FER: variants seen among roughly 807,000 people sequenced by gnomAD.
FER encodes tyrosine-protein kinase Fer.
FER carries 63 observed loss-of-function variants against 111.0 expected under a neutral mutation model. The observed-to-expected ratio is 0.57, with a 90% CI of 0.46 to 0.70. FER has a LOEUF of 0.70. Ranked by LOEUF, FER falls within the 30% of genes least tolerant of loss-of-function variation. FER has a pLI of 0.00. For synonymous variants in FER, 327 were observed against 313.9 expected, an observed-to-expected ratio of 1.04 and a Z score of -0.44; for missense variants, 914 against 954.0, an observed-to-expected ratio of 0.96 and a Z score of 0.55.
At chr5:109,181,066 T>G (rs1227822130) in intron 18 of FER, among the ~76,000 whole-genome samples, 165 bp downstream of exon 18, 1 of 152,168 alleles carries the variant, frequency 6.6e-6, no homozygotes, top group African/African-American at 2.4e-5. Flanking sequence ...AAATTATTGA[T>G]CAGATTTCTA....
intron 5 of FER, among the ~76,000 whole-genome samples, chr5:108,858,766 ATTTTT>A (rs75243334): frequency 4.0e-5 from 5 of 124,728 alleles, no homozygotes; most frequent in African/African-American, 1.4e-4. Flanking sequence ...CAGTTTTTTC[ATTTTT>A]TTTTTTTTTT....
intron 11 of FER, among the ~76,000 whole-genome samples, chr5:108,950,976 AATAAATT>A (rs1429616104): frequency 1.3e-5 from 2 of 152,052 alleles, no homozygotes; most frequent in Non-Finnish European, 2.9e-5. Context: ...TTAAAAAAAA[AATAAATT>A]TATAGGGCCA....
chr5:108,949,376 CT>C (rs752786927), intron 11 of FER, among the ~76,000 whole-genome samples: 118 of 152,134 alleles, frequency 7.8e-4, no homozygotes, highest in Non-Finnish European at 8.7e-4. Flanking sequence ...TTAAGTTGCG[CT>C]TTCCCCCCAT....
chr5:108,880,640 C>T (rs1765584495), intron 8 of FER, among the ~76,000 whole-genome samples: 1 of 151,924 alleles, frequency 6.6e-6, no homozygotes, highest in Admixed American at 6.6e-5. Context: ...CTATTCCATG[C>T]AAGCCAATTC....
intron 5 of FER, among the ~76,000 whole-genome samples, chr5:108,856,654 C>T (rs776696548): frequency 5.9e-5 from 9 of 152,210 alleles, no homozygotes; most frequent in Non-Finnish European, 8.8e-5. Flanking sequence ...CCTCACATAA[C>T]CTAGGACACC....
chr5:108,799,009 C>T (rs2150046722), intron 3 of FER, among the ~76,000 whole-genome samples: 1 of 152,262 alleles, frequency 6.6e-6, no homozygotes, highest in East Asian at 1.9e-4. Flanking sequence ...CCCTTTTGCA[C>T]AAACTTTAGT....
intron 1 of FER, among the ~76,000 whole-genome samples, chr5:108,752,348 T>G (rs1750600810): frequency 6.6e-6 from 1 of 152,108 alleles, no homozygotes; most frequent in Non-Finnish European, 1.5e-5. Context: ...CATAATGATT[T>G]GAAAACTAAC....
intron 9 of FER, among the ~76,000 whole-genome samples, chr5:108,887,482 G>A (rs1000093039): frequency 2.6e-5 from 4 of 151,510 alleles, no homozygotes; most frequent in Non-Finnish European, 4.4e-5. Flanking sequence ...TATAAGTAAT[G>A]CAGGTCTTAG....
intron 10 of FER, among the ~76,000 whole-genome samples, chr5:108,937,906 G>A (rs942900756): frequency 6.6e-6 from 1 of 151,458 alleles, no homozygotes; most frequent in African/African-American, 2.4e-5. Context: ...TTTTTATAAA[G>A]GGCAAGCAGT....
In FER at chr5:108,892,998, G is replaced by A. The variant is rs1047589964; in HGVS notation, c.1047-4661G>A. ...GTTGTAGATATGCGGCATTATTTCT[G>A]AGGGCTCTGTTCTGTTCCATTGGTC... is the stretch of plus-strand genomic sequence containing the variant. On this transcript the variant is annotated intron_variant, in intron 9 of 19. Transcript: ENST00000281092. Among the ~76,000 whole-genome samples, 8 of 152,218 alleles carry A rather than the reference G, an allele frequency of 5.3e-5. No individual in the cohort carries two copies. The East Asian group carries it at 1.5e-3, about 29-fold the overall frequency.
At chr5:109,030,552 T>G (rs1469581367) in intron 13 of FER, among the ~76,000 whole-genome samples, 1 of 152,208 alleles carries the variant, frequency 6.6e-6, no homozygotes, top group Non-Finnish European at 1.5e-5. Flanking sequence ...TTTGTTTTGT[T>G]GGTTTATCTG....
intron 10 of FER, among the ~76,000 whole-genome samples, chr5:108,922,299 A>G (rs1464786754): frequency 6.6e-6 from 1 of 152,172 alleles, no homozygotes; most frequent in South Asian, 2.1e-4. Flanking sequence ...GGGAATTAGT[A>G]CAACATCTGT....
chr5:108,993,836 A>G (rs1170780171), intron 13 of FER, among the ~76,000 whole-genome samples: 1 of 151,778 alleles, frequency 6.6e-6, no homozygotes, highest in Non-Finnish European at 1.5e-5. Context: ...CTGGTGTGAG[A>G]TGGTATCTTT....
intron 5 of FER, among the ~76,000 whole-genome samples, chr5:108,842,031 T>G (rs1006094668): frequency 2.0e-5 from 3 of 152,216 alleles, no homozygotes; most frequent in Non-Finnish European, 4.4e-5. Context: ...TATTATAGCT[T>G]TGATAATGAA....
chr5:109,101,212 C>G (rs1212913037), intron 17 of FER, among the ~76,000 whole-genome samples: 1 of 151,814 alleles, frequency 6.6e-6, no homozygotes, highest in Non-Finnish European at 1.5e-5. Flanking sequence ...ATGTCAGATC[C>G]TAAATATGGC....
intron 13 of FER, among the ~76,000 whole-genome samples, chr5:108,964,543 C>T (rs1292647704): frequency 6.6e-6 from 1 of 152,044 alleles, no homozygotes; most frequent in Admixed American, 6.6e-5. Context: ...TGAAGAACTA[C>T]AGAGGTTAGT....
intron 3 of FER, among the ~76,000 whole-genome samples, chr5:108,827,755 A>G (rs1485475718): frequency 6.7e-6 from 1 of 148,618 alleles, no homozygotes; most frequent in East Asian, 2.0e-4. Flanking sequence ...CTCTGATTTG[A>G]TAATGTTTTC....
intron 10 of FER, among the ~76,000 whole-genome samples, chr5:108,911,120 G>C (rs764122837): frequency 6.6e-6 from 1 of 151,886 alleles, no homozygotes; most frequent in Admixed American, 6.6e-5. Flanking sequence ...CACCACATCC[G>C]CACTAGCATC....
intron 13 of FER, among the ~76,000 whole-genome samples, chr5:108,966,216 A>G (rs893976328): frequency 1.8e-4 from 27 of 152,144 alleles, no homozygotes; most frequent in African/African-American, 6.3e-4. Context: ...TGCCTACTTT[A>G]TAAATATTTG....
Sources: gnomAD v4.1 joint callset for allele counts (sites outside exome capture counted in the v4.1 genomes callset) on GRCh38, gnomAD v4.1.1 for gene constraint, MANE v1.5 for transcripts, NCBI Gene and HGNC (gene_info 2026-07-23, HGNC 2026-07-21) for gene names.